The following DOCK1 variants were observed in gnomAD, a reference collection of about 807,000 sequenced individuals.
DOCK1 encodes the protein dedicator of cytokinesis 1, also known as dedicator of cytokinesis protein 1.
In DOCK1, 138 loss-of-function variants were observed where a neutral mutation model predicts 262.7. The observed-to-expected ratio is 0.53, with a 90% CI of 0.46 to 0.61. DOCK1 has a LOEUF of 0.61. DOCK1 is among the 20% of genes least tolerant of loss of function. The pLI, the probability that DOCK1 is intolerant of heterozygous loss-of-function variation, is 0.00. For synonymous variants in DOCK1, 866 were observed against 867.4 expected, an observed-to-expected ratio of 1.00 and a Z score of 0.03; for missense variants, 1,908 against 2,370.7, an observed-to-expected ratio of 0.80 and a Z score of 4.05.
intron 1 of DOCK1, among the ~76,000 whole-genome samples, chr10:126,930,837 G>A (rs1300710043): frequency 6.6e-6 from 1 of 152,238 alleles, no homozygotes; most frequent in Non-Finnish European, 1.5e-5. Context: ...TTTTCTCTAG[G>A]TGAGTACCCC....
intron 33 of DOCK1, among the ~76,000 whole-genome samples, chr10:127,373,066 G>T (rs1287016785): frequency 6.6e-6 from 1 of 152,130 alleles, no homozygotes; most frequent in Non-Finnish European, 1.5e-5. Context: ...TCAGACACTT[G>T]AAGACATTTT....
At chr10:127,101,092 C>T (rs2048215046) in intron 23 of DOCK1, among the ~76,000 whole-genome samples, 1 of 151,976 alleles carries the variant, frequency 6.6e-6, no homozygotes, top group African/African-American at 2.4e-5. Context: ...ACAGGGCAGG[C>T]AGGTGCCCCG....
intron 29 of DOCK1, among the ~76,000 whole-genome samples, chr10:127,267,313 A>G (rs2060398160): frequency 6.6e-6 from 1 of 152,176 alleles, no homozygotes; most frequent in South Asian, 2.1e-4. Flanking sequence ...ATTATTTCAG[A>G]TACTTTCCAT....
chr10:127,167,202 A>G (rs756659684), intron 27 of DOCK1, among the ~76,000 whole-genome samples: 4 of 152,242 alleles, frequency 2.6e-5, no homozygotes, highest in Non-Finnish European at 5.9e-5. Context: ...AGAAAATGAT[A>G]GAAAGAATAT....
At chr10:127,417,558 C>G (rs1273374549) in intron 44 of DOCK1, among the ~76,000 whole-genome samples, 1 of 152,164 alleles carries the variant, frequency 6.6e-6, no homozygotes, top group African/African-American at 2.4e-5. Context: ...CTCCCGACCC[C>G]AGGGGCCATG....
At chr10:127,333,171 T>G (rs534033383) in intron 29 of DOCK1, among the ~76,000 whole-genome samples, 1 of 152,206 alleles carries the variant, frequency 6.6e-6, no homozygotes. Context: ...CCTGTCTTCA[T>G]GCCCAAGGGA....
At chr10:127,093,333 C>T (rs1243033262) in intron 23 of DOCK1, among the ~76,000 whole-genome samples, 3 of 146,360 alleles carry the variant, frequency 2.0e-5, no homozygotes, top group African/African-American at 7.6e-5. Context: ...GCAACTTCCA[C>T]CTTCCAGGCT....
chr10:127,389,852 G>A (rs570698818), intron 38 of DOCK1, among the ~76,000 whole-genome samples: 3 of 152,024 alleles, frequency 2.0e-5, no homozygotes, highest in Non-Finnish European at 4.4e-5. Flanking sequence ...CGTTTCTACT[G>A]AAAATACAAA....
At chr10:127,130,105 A>G (rs113008475) in intron 27 of DOCK1, among the ~76,000 whole-genome samples, 5,513 of 121,360 alleles carry the variant, frequency 0.045, 447 homozygotes, top group African/African-American at 0.16. Flanking sequence ...TTCCCCTGAG[A>G]TAGAGTCTTG....
intron 1 of DOCK1, among the ~76,000 whole-genome samples, chr10:126,969,189 A>C (rs1040994114): frequency 6.6e-6 from 1 of 152,202 alleles, no homozygotes; most frequent in Non-Finnish European, 1.5e-5. Flanking sequence ...CAATTCTACG[A>C]GGTCAGTATC....
At position 127,329,299 on chromosome 10, in the gene DOCK1, A is replaced by T. The variant is rs565923300; in HGVS notation, c.3045-9707A>T. Among the ~76,000 whole-genome samples, 298 of 152,102 alleles carry T rather than the reference A, an allele frequency of 2.0e-3. 2 individuals carry two copies. The highest frequency in any genetic ancestry group is 6.9e-3 in the African/African-American group (287 of 41,512). ...CCCTGCCCATCCATGGCTGTCCTTC[A>T]CTCACCCAATTAGTGATCATAGGAC... On this transcript the variant is annotated intron_variant, in intron 29 of 51. Transcript: ENST00000623213.
chr10:127,309,153 G>A (rs1590375937), intron 29 of DOCK1, among the ~76,000 whole-genome samples: 3 of 151,536 alleles, frequency 2.0e-5, no homozygotes, highest in Non-Finnish European at 4.4e-5. Flanking sequence ...ATGCTGTCTC[G>A]TTGTGGTTTT....
chr10:126,947,347 T>C, intron 1 of DOCK1, among the ~76,000 whole-genome samples: 1 of 145,968 alleles, frequency 6.9e-6, no homozygotes, highest in Non-Finnish European at 1.5e-5. Context: ...CTGTTGGTGA[T>C]GGTGGTGGTT....
intron 27 of DOCK1, among the ~76,000 whole-genome samples, chr10:127,227,971 A>T (rs1040627336): frequency 6.6e-6 from 1 of 152,176 alleles, no homozygotes; most frequent in Non-Finnish European, 1.5e-5. Context: ...TAGGACTTTG[A>T]ACCTTCCAGA....
Position 127,451,218 on chromosome 10 carries a change from G to C in DOCK1, c.5566-114G>C, listed in dbSNP as rs544188271. Reference sequence around the variant, plus strand: ...GGACAGGATGGAGCCCAACTCATGTGGGGAGGATGGTTCCGGCTGAGTGGC... The same window carrying C: ...GGACAGGATGGAGCCCAACTCATGTCGGGAGGATGGTTCCGGCTGAGTGGC... On this transcript the variant is annotated intron_variant, in intron 51 of 51. Coordinates refer to ENST00000623213, the MANE Select transcript of DOCK1 (RefSeq NM_001290223.2). 1.3e-5 allele frequency: 15 copies of C among 1,182,186 alleles called. No homozygotes were observed. The African/African-American group carries it at 2.1e-4, about 17-fold the overall frequency. The allele number at this position is 1,182,186 out of a possible 1,614,324, so 73.2% of individuals were successfully genotyped here. A position where few individuals can be genotyped will look rare whatever the true frequency, so the allele number is the denominator to read the frequency against.
At chr10:127,275,487 C>T (rs755302171) in intron 29 of DOCK1, among the ~76,000 whole-genome samples, 18 of 152,094 alleles carry the variant, frequency 1.2e-4, no homozygotes, top group Non-Finnish European at 2.1e-4. Flanking sequence ...GTTTTCATGG[C>T]GCTCAGGGTC....
chr10:127,233,651 G>A (rs1360962178), intron 27 of DOCK1, among the ~76,000 whole-genome samples: 1 of 152,206 alleles, frequency 6.6e-6, no homozygotes, highest in Non-Finnish European at 1.5e-5. Context: ...AATAGAATGT[G>A]AGTTATATGC....
intron 27 of DOCK1, among the ~76,000 whole-genome samples, chr10:127,156,948 G>A (rs142863509): frequency 6.6e-6 from 1 of 152,178 alleles, no homozygotes; most frequent in East Asian, 1.9e-4. Flanking sequence ...CCTCCATTAC[G>A]GTCAGTAAGC....
chr10:127,058,002 C>T (rs112452516), intron 22 of DOCK1, among the ~76,000 whole-genome samples: 337 of 151,970 alleles, frequency 2.2e-3, no homozygotes, highest in African/African-American at 7.8e-3. Context: ...GTTTTTTATC[C>T]ACTTCAGGGT....
Sources: gnomAD v4.1 joint callset for allele counts (sites outside exome capture counted in the v4.1 genomes callset) on GRCh38, gnomAD v4.1.1 for gene constraint, MANE v1.5 for transcripts, NCBI Gene and HGNC (gene_info 2026-07-23, HGNC 2026-07-21) for gene names.